CTNNA2: variants seen among roughly 807,000 people sequenced by gnomAD.
CTNNA2 encodes the protein catenin alpha-2.
In CTNNA2, 42 loss-of-function variants were observed where a neutral mutation model predicts 101.0. The observed-to-expected ratio is 0.42, with a 90% CI of 0.32 to 0.54. The LOEUF is 0.54. Ranked by LOEUF, CTNNA2 falls within the 20% of genes least tolerant of loss-of-function variation. The pLI is 0.14. For missense variants in CTNNA2, 871 were observed against 1,223.1 expected (o/e 0.71, Z 4.29); for synonymous variants, 450 against 456.4 (o/e 0.99, Z 0.18).
rs562297434 is a variant in CTNNA2 at position 80,565,496 on chromosome 2, T to C, written c.1742-8667T>C. Among the ~76,000 whole-genome samples the C allele has an allele frequency of 4.0e-5, 6 of 151,434 alleles. No homozygotes were observed. The South Asian group carries it at 8.3e-4, about 21-fold the overall frequency. On this transcript the variant is annotated intron_variant, in intron 12 of 18. Coordinates refer to ENST00000402739, the MANE Select transcript of CTNNA2 (RefSeq NM_001282597.3). ...GGTTTTCAGATTCAGCACTAATTGG[T>C]GTGCTGTGTCCCATTATGCTCACCT...
At chr2:80,628,226 C>A (rs531859549) in intron 18 of CTNNA2, among the ~76,000 whole-genome samples, 33 of 152,048 alleles carry the variant, frequency 2.2e-4, no homozygotes, top group African/African-American at 7.2e-4. Context: ...CCCCATCAAG[C>A]TACCATTGAC....
chr2:79,682,667 T>TC (rs1683661584), intron 2 of CTNNA2, among the ~76,000 whole-genome samples: 1 of 152,142 alleles, frequency 6.6e-6, no homozygotes, highest in African/African-American at 2.4e-5. Context: ...CCTTGAACCT[T>TC]CCTGAACTTA....
chr2:80,190,889 G>A (rs1276680472), intron 7 of CTNNA2, among the ~76,000 whole-genome samples: 4 of 152,140 alleles, frequency 2.6e-5, no homozygotes, highest in Non-Finnish European at 5.9e-5. Context: ...CTGTTCAGTC[G>A]TTGCTGTTGA....
chr2:80,323,986 A>G (rs1249996505), intron 7 of CTNNA2, among the ~76,000 whole-genome samples: 1 of 152,170 alleles, frequency 6.6e-6, no homozygotes, highest in Non-Finnish European at 1.5e-5. Flanking sequence ...GCTGCAATTA[A>G]AGATTGCCCT....
chr2:80,135,603 G>A (rs112453264), intron 7 of CTNNA2, among the ~76,000 whole-genome samples: 1 of 152,090 alleles, frequency 6.6e-6, no homozygotes, highest in African/African-American at 2.4e-5. Flanking sequence ...CTGTAAATCT[G>A]TCCTGACCTC....
intron 9 of CTNNA2, among the ~76,000 whole-genome samples, chr2:80,521,171 C>T (rs1316931485): frequency 6.6e-6 from 1 of 152,132 alleles, no homozygotes; most frequent in African/African-American, 2.4e-5. Context: ...ATTCTTTTCT[C>T]CCTTCCTCTA....
rs576339774 is a variant in CTNNA2, at chr2:79,454,132, A to G, written c.-134-50922A>G. The stretch of plus-strand genomic sequence containing the variant: ...GATTCGTGAATGTGTGTCACTCTCC[A>G]TGGTGCTGATACTCTTCATTTGCAA... On this transcript the variant is annotated intron_variant, in intron 4 of 21. Transcript: ENST00000466387. Among the ~76,000 whole-genome samples the G allele has an allele frequency of 1.5e-3, 221 of 152,272 alleles. 3 individuals are homozygous for G. The highest frequency in any genetic ancestry group is 0.013 in the South Asian group (61 of 4,828).
intron 7 of CTNNA2, among the ~76,000 whole-genome samples, chr2:80,204,740 C>A (rs1707421782): frequency 6.6e-6 from 1 of 151,482 alleles, no homozygotes; most frequent in South Asian, 2.1e-4. Context: ...ATCTTTTCAG[C>A]AGCGCCCCAC....
At chr2:80,113,443 A>C (rs949089454) in intron 7 of CTNNA2, among the ~76,000 whole-genome samples, 4 of 152,236 alleles carry the variant, frequency 2.6e-5, no homozygotes, top group African/African-American at 9.6e-5. Flanking sequence ...TATAAATTGC[A>C]GATCTGCCAT....
At chr2:79,758,956 A>T (rs974390032) in intron 3 of CTNNA2, among the ~76,000 whole-genome samples, 11 of 152,312 alleles carry the variant, frequency 7.2e-5, no homozygotes, top group Middle Eastern at 3.4e-3. Context: ...AAGGTCTCAG[A>T]TGACCAGCTC....
At chr2:79,529,242 A>T (rs535727030) in intron 1 of CTNNA2, among the ~76,000 whole-genome samples, 2 of 152,154 alleles carry the variant, frequency 1.3e-5, no homozygotes, top group African/African-American at 2.4e-5. Flanking sequence ...AGGACTGATT[A>T]TACAGAAGCA....
chr2:79,481,292 T>C (rs978344748), intron 4 of CTNNA2, among the ~76,000 whole-genome samples: 3 of 152,196 alleles, frequency 2.0e-5, no homozygotes, highest in Non-Finnish European at 4.4e-5. Context: ...TCTCTGATTA[T>C]ATTTTAATGA....
intron 7 of CTNNA2, among the ~76,000 whole-genome samples, chr2:80,223,690 G>A (rs902567020): frequency 1.3e-5 from 2 of 152,208 alleles, no homozygotes; most frequent in African/African-American, 2.4e-5. Context: ...GAAGGAAAGA[G>A]TGACCACCAC....
chr2:79,546,238 G>T (rs17017234), intron 1 of CTNNA2, among the ~76,000 whole-genome samples: 2,994 of 152,146 alleles, frequency 0.02, 101 homozygotes, highest in African/African-American at 0.069. Flanking sequence ...ATCTTCCCCT[G>T]AGTCATCCAG....
chr2:80,266,219 A>G (rs2149131179), intron 7 of CTNNA2, among the ~76,000 whole-genome samples: 1 of 152,330 alleles, frequency 6.6e-6, no homozygotes, highest in Non-Finnish European at 1.5e-5. Context: ...AACGTATTAG[A>G]GTGCATCCTT....
chr2:80,026,875 T>C (rs1279795909), intron 7 of CTNNA2, among the ~76,000 whole-genome samples: 2 of 152,192 alleles, frequency 1.3e-5, no homozygotes, highest in Admixed American at 1.3e-4. Context: ...TGTTTTAAAA[T>C]ATTTATGAAG....
intron 7 of CTNNA2, among the ~76,000 whole-genome samples, chr2:79,921,264 A>T (rs762025947): frequency 1.3e-5 from 2 of 152,198 alleles, no homozygotes; most frequent in Non-Finnish European, 2.9e-5. Context: ...GTATCAAATC[A>T]AGAGTTGATT....
chr2:79,188,994 C>T (rs1285425508), intron 1 of CTNNA2, among the ~76,000 whole-genome samples: 1 of 152,096 alleles, frequency 6.6e-6, no homozygotes, highest in East Asian at 1.9e-4. Flanking sequence ...ATGGTCAAAC[C>T]ACACCCGGTC....
intron 7 of CTNNA2, chr2:80,305,004 T>A: frequency 1.1e-6 from 1 of 937,212 alleles, no homozygotes; most frequent in Non-Finnish European, 1.3e-6. Context: ...AACTGAAATG[T>A]TCTGTGCTCT....
Sources: gnomAD v4.1 joint callset for allele counts (sites outside exome capture counted in the v4.1 genomes callset) on GRCh38, gnomAD v4.1.1 for gene constraint, MANE v1.5 for transcripts, NCBI Gene and HGNC (gene_info 2026-07-23, HGNC 2026-07-21) for gene names.